GMDS: variants seen among roughly 807,000 people sequenced by gnomAD.
The protein encoded by GMDS is GDP-mannose 4,6 dehydratase.
A neutral mutation model predicts 49.9 loss-of-function variants in GMDS; 20 were observed. That is an observed-to-expected ratio of 0.40 (90% CI 0.28 to 0.58). The LOEUF is 0.58. GMDS is among the 20% of genes least tolerant of loss of function. The pLI is 0.42. For synonymous variants in GMDS, 177 were observed against 178.6 expected (o/e 0.99, Z 0.07); for missense variants, 362 against 481.4 (o/e 0.75, Z 2.32).
At chr6:1,664,562 G>A (rs1013545090) in intron 9 of GMDS, among the ~76,000 whole-genome samples, 1 of 152,154 alleles carries the variant, frequency 6.6e-6, no homozygotes, top group African/African-American at 2.4e-5. Context: ...GGCACAGCAC[G>A]GACAATCACA....
chr6:2,033,006 GTAGT>G, intron 4 of GMDS, among the ~76,000 whole-genome samples: 1 of 152,302 alleles, frequency 6.6e-6, no homozygotes, highest in African/African-American at 2.4e-5. Context: ...CATGTAACAT[GTAGT>G]TAAATTATCT....
chr6:1,816,100 C>G (rs1021675911), intron 7 of GMDS, among the ~76,000 whole-genome samples: 4 of 152,336 alleles, frequency 2.6e-5, no homozygotes, highest in African/African-American at 9.6e-5. Context: ...TGGGGGCTTG[C>G]TCTCCTGCCT....
At chr6:2,127,673 G>A (rs901650987) in intron 1 of GMDS, among the ~76,000 whole-genome samples, 14 of 152,198 alleles carry the variant, frequency 9.2e-5, no homozygotes, top group African/African-American at 1.2e-4. Context: ...GAAACGAGCC[G>A]AGCGAGGGCT....
rs1042583935 is a variant in GMDS, at chr6:2,191,631, G to A, written c.102+53690C>T. ...CGAATGGGGTTGGGGCCAAGCCGGG[G>A]AGCTGTCACAGCCCAGCCAGGTATG... On this transcript the variant is annotated intron_variant, in intron 1 of 10. Coordinates refer to ENST00000380815, the MANE Select transcript of GMDS (RefSeq NM_001500.4). The surrounding 1 kb of genome is among the most constrained non-coding windows in gnomAD (Gnocchi z 4.6). 3.3e-5 allele frequency among the ~76,000 whole-genome samples: 5 copies of A among 152,210 alleles called. No homozygotes were observed. The highest frequency in any genetic ancestry group is 7.2e-5 in the African/African-American group (3 of 41,472).
At chr6:1,865,743 G>C (rs1445997527) in intron 7 of GMDS, among the ~76,000 whole-genome samples, 1 of 152,196 alleles carries the variant, frequency 6.6e-6, no homozygotes, top group Non-Finnish European at 1.5e-5. Flanking sequence ...ACCCAGCGAA[G>C]CGGTCTGCAG....
At chr6:2,105,272 A>G (rs1317958701) in intron 4 of GMDS, among the ~76,000 whole-genome samples, 1 of 152,134 alleles carries the variant, frequency 6.6e-6, no homozygotes, top group African/African-American at 2.4e-5. Context: ...CAAACAGATG[A>G]AAAAATTATT....
rs114679547 is a variant in GMDS at position 1,660,423 on chromosome 6, A to C, written c.988-35883T>G. On this transcript the variant is annotated intron_variant, in intron 9 of 10. Transcript: ENST00000380815. ...ATCCAAAAGAAACAAAAACAACACA[A>C]TGTGCCCAGAAAACTAAGAACGCCA... 5.6e-3 allele frequency among the ~76,000 whole-genome samples: 859 copies of C among 152,282 alleles called. 5 individuals carry two copies. Among genetic ancestry groups the C allele is most frequent in the African/African-American group, 0.019 (796 of 41,552 alleles).
intron 6 of GMDS, among the ~76,000 whole-genome samples, chr6:1,931,877 G>A (rs369057895): frequency 1.1e-3 from 172 of 152,234 alleles, no homozygotes; most frequent in Non-Finnish European, 2.0e-3. Context: ...TGTTGACTAC[G>A]CACCCACCAA....
Position 1,624,061 on chromosome 6 carries a change from G to A in GMDS, c.*108C>T. 5.1e-6 allele frequency: 5 copies of A among 980,480 alleles called. No individual in the cohort carries two copies. The highest frequency in any genetic ancestry group is 1.5e-5 in the South Asian group (1 of 67,824). The allele number at this position is 980,480 out of a possible 1,614,324, so 60.7% of individuals were successfully genotyped here. Reference sequence around the variant, plus strand: ...GGACAGCGCAGCGGCAGCAGGGGCCGCAGGGGACCCGCAGATTGGCACGCC... The same window carrying A: ...GGACAGCGCAGCGGCAGCAGGGGCCACAGGGGACCCGCAGATTGGCACGCC... On this transcript the variant is annotated 3_prime_UTR_variant, in exon 11 of 11. Transcript: ENST00000380815.
chr6:1,805,876 G>A (rs1279877114), intron 7 of GMDS, among the ~76,000 whole-genome samples: 1 of 152,210 alleles, frequency 6.6e-6, no homozygotes, highest in Non-Finnish European at 1.5e-5. Flanking sequence ...AACAGTTGGA[G>A]AAACTCTGGT....
chr6:1,830,402 A>G (rs1299713583), intron 7 of GMDS, among the ~76,000 whole-genome samples: 1 of 152,174 alleles, frequency 6.6e-6, no homozygotes, highest in African/African-American at 2.4e-5. Context: ...GTCTCCACAC[A>G]TTGCCCTGGA....
intron 7 of GMDS, among the ~76,000 whole-genome samples, chr6:1,809,045 A>G (rs1440965499): frequency 6.6e-6 from 1 of 152,234 alleles, no homozygotes; most frequent in African/African-American, 2.4e-5. Context: ...AGATGATTTT[A>G]TATCAATACT....
At chr6:1,835,487 G>C (rs1484850252) in intron 7 of GMDS, among the ~76,000 whole-genome samples, 2 of 152,188 alleles carry the variant, frequency 1.3e-5, no homozygotes, top group Admixed American at 6.5e-5. Flanking sequence ...ATGTGAAACA[G>C]AGTTTACATA....
intron 6 of GMDS, among the ~76,000 whole-genome samples, chr6:1,952,385 T>C (rs1207990326): frequency 6.6e-6 from 1 of 152,180 alleles, no homozygotes; most frequent in Non-Finnish European, 1.5e-5. Flanking sequence ...TCTCTGAAAG[T>C]ACCTGTGGAG....
At chr6:1,670,783 C>T (rs1764396350) in intron 9 of GMDS, among the ~76,000 whole-genome samples, 1 of 152,176 alleles carries the variant, frequency 6.6e-6, no homozygotes, top group African/African-American at 2.4e-5. Flanking sequence ...TCCATAGTTC[C>T]AAACGTTGAA....
At chr6:2,229,718 C>T (rs1045505112) in intron 1 of GMDS, among the ~76,000 whole-genome samples, 5 of 152,112 alleles carry the variant, frequency 3.3e-5, no homozygotes, top group African/African-American at 1.2e-4. Flanking sequence ...GGTACTTTGC[C>T]CAGATCATCC....
Position 1,766,068 on chromosome 6 carries a change from G to C in GMDS, c.772-23482C>G, listed in dbSNP as rs1019767799. Among the ~76,000 whole-genome samples, 1 of 152,112 alleles carries C rather than the reference G, an allele frequency of 6.6e-6. No homozygotes were observed. The highest frequency in any genetic ancestry group is 2.1e-4 in the South Asian group (1 of 4,826). ...CTCTCTCCCAGTGGGCAGAGCGGCTGCACTATATGAAAACGACACATGTGA... is the reference window on the plus strand; with the variant it reads ...CTCTCTCCCAGTGGGCAGAGCGGCTCCACTATATGAAAACGACACATGTGA... On this transcript the variant is annotated intron_variant, in intron 7 of 10. Coordinates refer to ENST00000380815, the MANE Select transcript of GMDS (RefSeq NM_001500.4). This position sits in a 1 kb window ranked among gnomAD's most constrained non-coding sequence, Gnocchi z 4.5.
chr6:2,048,666 A>G (rs1477662861), intron 4 of GMDS, among the ~76,000 whole-genome samples: 4 of 152,174 alleles, frequency 2.6e-5, no homozygotes, highest in African/African-American at 9.7e-5. Flanking sequence ...TCACCATCAT[A>G]TTACCTACTT....
intron 1 of GMDS, among the ~76,000 whole-genome samples, chr6:2,241,416 T>C (rs559315000): frequency 1.3e-5 from 2 of 152,322 alleles, no homozygotes; most frequent in East Asian, 3.9e-4. Context: ...GTATTTTGCA[T>C]GTGAGAAGGA....
Sources: gnomAD v4.1 joint callset for allele counts (sites outside exome capture counted in the v4.1 genomes callset) on GRCh38, gnomAD v4.1.1 for gene constraint, Gnocchi (gnomAD v3.1) non-coding constraint, MANE v1.5 for transcripts, NCBI Gene and HGNC (gene_info 2026-07-23, HGNC 2026-07-21) for gene names.